ERC2: variants seen among roughly 807,000 people sequenced by gnomAD.
ERC2 encodes the protein ELKS/RAB6-interacting/CAST family member 2.
ERC2 carries 42 observed loss-of-function variants against 114.8 expected under a neutral mutation model. The observed-to-expected ratio is 0.37, with a 90% CI of 0.29 to 0.47. ERC2 has a LOEUF of 0.47. Among genes scored for constraint, ERC2 ranks in the 20% least tolerant of loss-of-function variants. The probability of loss-of-function intolerance (pLI) is 0.99; values close to 1 mark genes in which losing one functional copy is unlikely to be tolerated. For missense variants in ERC2, 939 were observed against 1,150.7 expected (o/e 0.82, Z 2.66); for synonymous variants, 454 against 425.5 (o/e 1.07, Z -0.82).
intron 2 of ERC2, among the ~76,000 whole-genome samples, chr3:56,313,286 A>T (rs1430746694): frequency 6.6e-6 from 1 of 151,846 alleles, no homozygotes; most frequent in Non-Finnish European, 1.5e-5. Flanking sequence ...TGATGGTTTC[A>T]CTACTCTGTG....
At chr3:55,931,646 A>G (rs958134685) in intron 13 of ERC2, among the ~76,000 whole-genome samples, 1 of 152,108 alleles carries the variant, frequency 6.6e-6, no homozygotes, top group African/African-American at 2.4e-5. Flanking sequence ...AAAAATACTT[A>G]ATGTAGATGA....
chr3:55,920,446 A>ACACC (rs57638674), intron 13 of ERC2, among the ~76,000 whole-genome samples: 11 of 145,550 alleles, frequency 7.6e-5, no homozygotes, highest in Non-Finnish European at 1.1e-4. Context: ...ACACACACAC[A>ACACC]CCCCAAGTGA....
chr3:55,778,259 G>C (rs559832381), intron 14 of ERC2, among the ~76,000 whole-genome samples: 34 of 152,116 alleles, frequency 2.2e-4, no homozygotes, highest in Non-Finnish European at 4.1e-4. Flanking sequence ...GAGAAATCAG[G>C]TTCTCTGGAA....
rs144787544 is a variant in ERC2 at position 55,687,916 on chromosome 3, C to T, written c.2848-4057G>A. 1.9e-3 allele frequency among the ~76,000 whole-genome samples: 282 copies of T among 152,324 alleles called. 2 individuals carry two copies. Among genetic ancestry groups the T allele is most frequent in the African/African-American group, 6.5e-3 (271 of 41,578 alleles). Reference sequence around the variant, plus strand: ...GCATGAGCCTGCAAATGTGGGGCACCGAGCCTCATCAGGGTACTAGTAGGT... The same window carrying T: ...GCATGAGCCTGCAAATGTGGGGCACTGAGCCTCATCAGGGTACTAGTAGGT... On this transcript the variant is annotated intron_variant, in intron 16 of 17. Transcript: ENST00000288221.
chr3:56,238,166 C>T (rs1352425222), intron 3 of ERC2, among the ~76,000 whole-genome samples: 1 of 152,270 alleles, frequency 6.6e-6, no homozygotes, highest in Non-Finnish European at 1.5e-5. Context: ...AATTTAATAA[C>T]TGACTAAGCC....
chr3:55,624,808 A>C (rs1165547253), intron 17 of ERC2, among the ~76,000 whole-genome samples: 1 of 152,174 alleles, frequency 6.6e-6, no homozygotes, highest in Non-Finnish European at 1.5e-5. Flanking sequence ...AAGAAAAAGG[A>C]AGAAAAAAAA....
intron 8 of ERC2, among the ~76,000 whole-genome samples, chr3:56,012,291 G>A (rs1375554924): frequency 6.6e-6 from 1 of 152,136 alleles, no homozygotes; most frequent in African/African-American, 2.4e-5. Flanking sequence ...GGCTGTTGGA[G>A]CGACATTTCT....
At chr3:55,883,835 C>T (rs1411407465) in intron 14 of ERC2, among the ~76,000 whole-genome samples, 2 of 151,930 alleles carry the variant, frequency 1.3e-5, no homozygotes, top group Non-Finnish European at 2.9e-5. Context: ...TTGCAGTGAG[C>T]CAAGATTGCA....
At chr3:55,634,336 T>C (rs887933006) in intron 17 of ERC2, among the ~76,000 whole-genome samples, 1 of 152,208 alleles carries the variant, frequency 6.6e-6, no homozygotes, top group Non-Finnish European at 1.5e-5. Context: ...ATGTAAACCA[T>C]ACATTCATGC....
intron 17 of ERC2, among the ~76,000 whole-genome samples, chr3:55,544,753 A>G: frequency 6.6e-6 from 1 of 152,068 alleles, no homozygotes; most frequent in East Asian, 1.9e-4. Context: ...AACAATCACT[A>G]TCATTCCACA....
intron 13 of ERC2, among the ~76,000 whole-genome samples, chr3:55,925,590 T>A (rs2065698956): frequency 6.6e-6 from 1 of 152,090 alleles, no homozygotes; most frequent in Non-Finnish European, 1.5e-5. Flanking sequence ...CTGGACCATG[T>A]CCCTGTGAAG....
intron 7 of ERC2, among the ~76,000 whole-genome samples, chr3:56,049,860 GTA>G (rs2075679475): frequency 7.6e-6 from 1 of 132,306 alleles, no homozygotes; most frequent in African/African-American, 2.7e-5. Context: ...GTGTGTGTGT[GTA>G]TCCTATTGGT....
intron 2 of ERC2, among the ~76,000 whole-genome samples, chr3:56,332,326 C>T (rs567921799): frequency 6.6e-6 from 1 of 152,208 alleles, no homozygotes; most frequent in African/African-American, 2.4e-5. Context: ...CCATAATAAT[C>T]ATCATCATAA....
At chr3:56,080,045 C>A (rs2077158117) in intron 7 of ERC2, among the ~76,000 whole-genome samples, 1 of 152,140 alleles carries the variant, frequency 6.6e-6, no homozygotes, top group South Asian at 2.1e-4. Context: ...CTCTGGCCCC[C>A]TGTTCATCTG....
At chr3:55,928,240 T>A (rs924480726) in intron 13 of ERC2, among the ~76,000 whole-genome samples, 1 of 152,166 alleles carries the variant, frequency 6.6e-6, no homozygotes. Context: ...AGTGCGTAAG[T>A]CTTCCCTTTT....
chr3:56,349,869 C>T (rs559617209), intron 2 of ERC2, among the ~76,000 whole-genome samples: 5 of 150,768 alleles, frequency 3.3e-5, no homozygotes, highest in South Asian at 2.1e-4. Context: ...GCAGAGACCA[C>T]GCCATTGCAC....
chr3:56,430,916 A>G (rs2061762507), intron 2 of ERC2, among the ~76,000 whole-genome samples: 3 of 152,198 alleles, frequency 2.0e-5, no homozygotes, highest in Non-Finnish European at 4.4e-5. Flanking sequence ...TGATCTTTTA[A>G]GGAGGTAGTG....
intron 10 of ERC2, among the ~76,000 whole-genome samples, chr3:55,997,130 AC>A (rs1226863847): frequency 6.6e-6 from 1 of 152,162 alleles, no homozygotes; most frequent in African/African-American, 2.4e-5. Flanking sequence ...AATAAACCCT[AC>A]CAATTTTAAT....
At chr3:56,354,485 C>T (rs1057288290) in intron 2 of ERC2, among the ~76,000 whole-genome samples, 4 of 152,204 alleles carry the variant, frequency 2.6e-5, no homozygotes, top group African/African-American at 7.2e-5. Context: ...CCAGGGATGC[C>T]GCTAGACCTC....
Sources: allele counts gnomAD v4.1 joint callset (sites outside exome capture counted in the v4.1 genomes callset), GRCh38; gene constraint gnomAD v4.1.1; transcripts MANE v1.5; gene names NCBI Gene and HGNC (gene_info 2026-07-23, HGNC 2026-07-21).